Variants in WDPCP observed in about 807,000 individuals in gnomAD.
WDPCP encodes the protein WD repeat containing planar cell polarity effector, also known as WD repeat-containing and planar cell polarity effector protein fritz homolog.
In WDPCP, 71 loss-of-function variants were observed where a neutral mutation model predicts 93.1. The observed-to-expected ratio is 0.76, with a 90% CI of 0.63 to 0.93. The LOEUF (loss-of-function observed/expected upper bound fraction) is 0.93. Ranked by LOEUF, WDPCP falls within the 40% of genes least tolerant of loss-of-function variation. WDPCP has a pLI of 0.00. For synonymous variants in WDPCP, 315 were observed against 315.0 expected (o/e 1.00, Z 0.00); for missense variants, 844 against 887.4 (o/e 0.95, Z 0.62).
intron 2 of WDPCP, among the ~76,000 whole-genome samples, chr2:63,667,194 T>C (rs1235718486): frequency 6.6e-6 from 1 of 152,216 alleles, no homozygotes; most frequent in Non-Finnish European, 1.5e-5. Flanking sequence ...TGAACAAACT[T>C]GTCTGTTACT....
intron 14 of WDPCP, among the ~76,000 whole-genome samples, chr2:63,240,137 C>G (rs549606326): frequency 4.6e-5 from 7 of 152,174 alleles, no homozygotes; most frequent in Non-Finnish European, 1.0e-4. Context: ...CTAGTCTTTA[C>G]TAGTTTAGCC....
intron 2 of WDPCP, among the ~76,000 whole-genome samples, chr2:63,771,301 T>C (rs898408554): frequency 6.6e-6 from 1 of 151,792 alleles, no homozygotes; most frequent in African/African-American, 2.4e-5. Flanking sequence ...TTTTAATAAA[T>C]TGATAAATTC....
intron 12 of WDPCP, among the ~76,000 whole-genome samples, chr2:63,338,568 AAATATATATATAT>A (rs1688609239): frequency 3.9e-4 from 3 of 7,660 alleles, no homozygotes; most frequent in Non-Finnish European, 3.3e-4. Flanking sequence ...AAAAAAAAAA[AAATATATATATAT>A]ATATATATAT....
intron 17 of WDPCP, among the ~76,000 whole-genome samples, chr2:63,135,481 G>A (rs1191548932): frequency 6.6e-6 from 1 of 152,008 alleles, no homozygotes; most frequent in African/African-American, 2.4e-5. Flanking sequence ...ACAGGCATGC[G>A]TCACCACGCC....
intron 2 of WDPCP, among the ~76,000 whole-genome samples, chr2:63,756,127 T>C (rs992318282): frequency 3.9e-5 from 6 of 152,266 alleles, no homozygotes; most frequent in African/African-American, 1.2e-4. Context: ...CTTTGAGTCA[T>C]ATTCTGCATC....
At chr2:63,308,978 A>G (rs1216008004) in intron 13 of WDPCP, among the ~76,000 whole-genome samples, 1 of 152,220 alleles carries the variant, frequency 6.6e-6, no homozygotes, top group Admixed American at 6.5e-5. Context: ...ACATGGATGG[A>G]GTTTGAGAAC....
At chr2:63,779,239 G>C (rs1010144654) in intron 2 of WDPCP, among the ~76,000 whole-genome samples, 1 of 152,156 alleles carries the variant, frequency 6.6e-6, no homozygotes, top group African/African-American at 2.4e-5. Flanking sequence ...GAATTTGAAA[G>C]ACCTAGCAGG....
At chr2:63,683,600 C>T (rs779190863) in intron 2 of WDPCP, among the ~76,000 whole-genome samples, 7 of 152,172 alleles carry the variant, frequency 4.6e-5, no homozygotes, top group Non-Finnish European at 1.0e-4. Context: ...CATCTGTAAT[C>T]CCAGCACTTC....
intron 2 of WDPCP, among the ~76,000 whole-genome samples, chr2:63,747,188 T>A (rs530881270): frequency 6.6e-6 from 1 of 152,302 alleles, no homozygotes; most frequent in East Asian, 1.9e-4. Context: ...AGATGTTAGA[T>A]CTTAGTAACA....
chr2:63,421,175 TGAAATCTGTC>T (rs1346074046), intron 9 of WDPCP, among the ~76,000 whole-genome samples: 6 of 152,180 alleles, frequency 3.9e-5, no homozygotes, highest in Admixed American at 6.5e-5. Flanking sequence ...TCGTTTTCAA[TGAAATCTGTC>T]ATTTGTATAC....
chr2:63,355,944 C>G (rs1689991599), intron 12 of WDPCP, among the ~76,000 whole-genome samples: 1 of 152,050 alleles, frequency 6.6e-6, no homozygotes, highest in Admixed American at 6.6e-5. Flanking sequence ...TGAATGTAAC[C>G]AAGCCAAATG....
At chr2:63,229,399 T>C (rs1477562477) in intron 14 of WDPCP, 1 of 152,178 alleles carries the variant, frequency 6.6e-6, no homozygotes, top group Non-Finnish European at 1.5e-5. Context: ...TCCACTCTGA[T>C]GGTAGTTTCT....
chr2:63,558,356 C>T (rs576732435), intron 1 of WDPCP, among the ~76,000 whole-genome samples: 1 of 151,708 alleles, frequency 6.6e-6, no homozygotes, highest in East Asian at 1.9e-4. Context: ...AGGGAAACCC[C>T]GTCTCTACTA....
chr2:63,179,736 T>C (rs1674093991), intron 14 of WDPCP, among the ~76,000 whole-genome samples: 1 of 152,186 alleles, frequency 6.6e-6, no homozygotes. Flanking sequence ...CTTTCTAATT[T>C]TCCTTGTGAT....
rs2153400483 is a variant in WDPCP, at chr2:63,133,201, G to T, written c.2191-11145C>A. On this transcript the variant is annotated intron_variant, in intron 17 of 17. Coordinates refer to ENST00000272321, the MANE Select transcript of WDPCP (RefSeq NM_015910.7). Reference sequence around the variant, plus strand: ...GTCTTAAATTTCCCAAGAGATCTTTGTGGGGTCTTGATGGTCTGTCATATG... The same window carrying T: ...GTCTTAAATTTCCCAAGAGATCTTTTTGGGGTCTTGATGGTCTGTCATATG... 1.3e-5 allele frequency among the ~76,000 whole-genome samples: 2 copies of T among 152,272 alleles called. 1 individual carries two copies.
At chr2:63,525,245 A>T (rs906530454) in intron 1 of WDPCP, among the ~76,000 whole-genome samples, 5 of 152,130 alleles carry the variant, frequency 3.3e-5, no homozygotes, top group African/African-American at 1.2e-4. Flanking sequence ...GGCCTACCTG[A>T]GGGTGGAGGG....
upstream of WDPCP, chr2:63,590,903 A>G (rs1261825825): frequency 6.6e-6 from 1 of 152,274 alleles, no homozygotes; most frequent in Non-Finnish European, 1.5e-5. Flanking sequence ...TTCAAAGCGG[A>G]GGATTCTTTG....
intron 2 of WDPCP, among the ~76,000 whole-genome samples, chr2:63,722,123 G>C (rs1162720954): frequency 6.6e-6 from 1 of 152,116 alleles, no homozygotes; most frequent in Non-Finnish European, 1.5e-5. Flanking sequence ...CCAAAGTGCC[G>C]AGATTGCAGC....
chr2:63,467,428 C>T (rs953316304), intron 6 of WDPCP, among the ~76,000 whole-genome samples: 3 of 150,984 alleles, frequency 2.0e-5, no homozygotes, highest in Admixed American at 6.6e-5. Context: ...TGGAGTGAGC[C>T]GAGATTGCAC....
Sources: gnomAD v4.1 joint callset for allele counts (sites outside exome capture counted in the v4.1 genomes callset) on GRCh38, gnomAD v4.1.1 for gene constraint, MANE v1.5 for transcripts, NCBI Gene and HGNC (gene_info 2026-07-23, HGNC 2026-07-21) for gene names.